Variants in ACOT12 observed in about 807,000 individuals in gnomAD.
The protein encoded by ACOT12 is acetyl-coenzyme A thioesterase.
ACOT12 carries 51 observed loss-of-function variants against 67.7 expected under a neutral mutation model. That is an observed-to-expected ratio of 0.75 (90% CI 0.60 to 0.95). ACOT12 has a LOEUF of 0.95. ACOT12 is among the 40% of genes least tolerant of loss of function. The probability of loss-of-function intolerance (pLI) is 0.00; values close to 1 mark genes in which losing one functional copy is unlikely to be tolerated. For missense variants in ACOT12, 734 were observed against 708.1 expected, an observed-to-expected ratio of 1.04 and a Z score of -0.41; for synonymous variants, 251 against 244.6, an observed-to-expected ratio of 1.03 and a Z score of -0.24.
At chr5:81,385,928 A>T in intron 1 of ACOT12, 102 bp from the exon 2 acceptor site, 1 of 1,068,566 alleles carries the variant, frequency 9.4e-7, no homozygotes. Flanking sequence ...TTAGTCACCC[A>T]TCCCTCATTC....
chr5:81,361,337 G>A (rs1759903191), intron 4 of ACOT12, among the ~76,000 whole-genome samples: 1 of 151,630 alleles, frequency 6.6e-6, no homozygotes, highest in African/African-American at 2.4e-5. Context: ...TAGGATTGCA[G>A]GCAAACGTCA....
At chr5:81,385,990 C>T (rs982626059) in intron 1 of ACOT12, among the ~76,000 whole-genome samples, 164 bp from the exon 2 acceptor site, 9 of 152,324 alleles carry the variant, frequency 5.9e-5, no homozygotes, top group African/African-American at 1.7e-4. Flanking sequence ...TCATTACAAG[C>T]TTCTTTGCTC....
intron 12 of ACOT12, among the ~76,000 whole-genome samples, chr5:81,335,436 C>T (rs576544714): frequency 2.7e-4 from 41 of 152,272 alleles, no homozygotes; most frequent in African/African-American, 9.6e-4. Context: ...GTGATCTTGG[C>T]TCACTGTAGC....
At chr5:81,339,980 T>A (rs191874562) in intron 11 of ACOT12, among the ~76,000 whole-genome samples, 24 of 152,166 alleles carry the variant, frequency 1.6e-4, no homozygotes, top group Non-Finnish European at 3.2e-4. Flanking sequence ...CTACCTCAGA[T>A]TCCCGAGTAG....
At chr5:81,311,136 T>C in the ACOT12 span, 2 of 1,459,734 alleles carry the variant, frequency 1.4e-6, no homozygotes, top group Non-Finnish European at 1.9e-6. Context: ...TCCAGTAAGA[T>C]GTGAAAGTGC....
rs777311789 is a variant in ACOT12 at position 81,345,948 on chromosome 5, C to T, written c.710G>A (p.Gly237Glu). The T allele has an allele frequency of 3.7e-6, 6 of 1,613,804 alleles. No individual in the cohort carries two copies. The African/African-American group carries it at 6.7e-5, about 18-fold the overall frequency. The change falls in exon 7 of 15, where the codon GGA becomes GAA. Residue 237 changes from glycine to glutamate, a missense_variant. By Grantham distance (98) the Gly-to-Glu change is moderately conservative. Coordinates refer to ENST00000307624, the MANE Select transcript of ACOT12 (RefSeq NM_130767.3). ...LKSVDMFKFR[G>E]PSTVGDRLVF... ...AAGACGATCTCCAACTGTAGATGGT[C>T]CCCGGAACTTAAACATATCTACGGA...
chr5:81,336,027 T>C (rs1453788979), intron 11 of ACOT12, 126 bp from the exon 12 acceptor site: 15 of 1,028,596 alleles, frequency 1.5e-5, no homozygotes, highest in South Asian at 9.9e-5. Context: ...CTGGATGAAA[T>C]TGAAGCCCCA....
At chr5:81,330,575 T>A in intron 14 of ACOT12, 32 bp from the exon 15 acceptor site, 3 of 1,608,404 alleles carry the variant, frequency 1.9e-6, no homozygotes, top group Non-Finnish European at 2.5e-6. Flanking sequence ...ATATTTTAAT[T>A]TCTTATTGAC....
At chr5:81,317,887 A>ATTT in the ACOT12 span, among the ~76,000 whole-genome samples, 302 of 134,786 alleles carry the variant, frequency 2.2e-3, 1 homozygote, top group African/African-American at 8.0e-3. Flanking sequence ...TAGGTTCACA[A>ATTT]TTTTTTTTTT....
At chr5:81,337,613 G>A (rs537035191) in intron 11 of ACOT12, among the ~76,000 whole-genome samples, 1 of 151,744 alleles carries the variant, frequency 6.6e-6, no homozygotes, top group Non-Finnish European at 1.5e-5. Context: ...ATCTGGTGAT[G>A]TTTCTATAAG....
At chr5:81,391,971 C>T (rs963385019) in intron 1 of ACOT12, among the ~76,000 whole-genome samples, 16 of 152,010 alleles carry the variant, frequency 1.1e-4, no homozygotes, top group African/African-American at 3.9e-4. Flanking sequence ...AATAAAAAAC[C>T]GTGTGTGTGA....
intron 1 of ACOT12, among the ~76,000 whole-genome samples, chr5:81,387,675 A>G (rs569665340): frequency 6.6e-6 from 1 of 152,148 alleles, no homozygotes; most frequent in South Asian, 2.1e-4. Context: ...GACTATAGGC[A>G]TGTGCCACCA....
At position 81,345,966 on chromosome 5, in the gene ACOT12, T is replaced by C. The variant is rs1331125689; in HGVS notation, c.692A>G (p.Asp231Gly). The C allele has an allele frequency of 4.3e-6, 7 of 1,613,922 alleles. No individual in the cohort carries two copies. The highest frequency in any genetic ancestry group is 5.9e-6 in the Non-Finnish European group (7 of 1,179,970). The change falls in exon 7 of 15, where the codon GAT becomes GGT. Residue 231 changes from aspartate (D) to glycine (G), a missense_variant. Asp to Gly is a moderately conservative substitution (Grantham distance 94). Coordinates refer to ENST00000307624, the MANE Select transcript of ACOT12 (RefSeq NM_130767.3). Reference protein sequence around the residue: ...CWAHPFLKSVDMFKFRGPSTV... With the variant: ...CWAHPFLKSVGMFKFRGPSTV... Reference sequence around the variant, plus strand: ...AGATGGTCCCCGGAACTTAAACATATCTACGGACTTCAGAAAGGGATGAGC... The same window carrying C: ...AGATGGTCCCCGGAACTTAAACATACCTACGGACTTCAGAAAGGGATGAGC...
Position 81,363,872 on chromosome 5 carries a change from C to G in ACOT12, c.276G>C (p.Met92Ile). 6.2e-7 allele frequency: 1 copy of G among 1,607,184 alleles called. No homozygotes were observed. The highest frequency in any genetic ancestry group is 8.5e-7 in the Non-Finnish European group (1 of 1,176,984). Residue 92 changes from methionine (M) to isoleucine (I), a missense_variant, in exon 4 of 15, where the codon ATG (methionine) becomes ATC (isoleucine). Met to Ile is a conservative substitution (Grantham distance 10, BLOSUM62 1). Coordinates refer to ENST00000307624, the MANE Select transcript of ACOT12 (RefSeq NM_130767.3). ...STSMEISIKV[M>I]VQDMLTGIEK... Reference sequence around the variant, plus strand: ...CAATGCCAGTGAGCATATCCTGTACCATGACCTTGATACTGATCTAAAATG... The same window carrying G: ...CAATGCCAGTGAGCATATCCTGTACGATGACCTTGATACTGATCTAAAATG...
chr5:81,317,843 T>C, the ACOT12 span, among the ~76,000 whole-genome samples: 1 of 152,094 alleles, frequency 6.6e-6, no homozygotes, highest in Non-Finnish European at 1.5e-5. Flanking sequence ...AGGTCTGGTT[T>C]TCTTCTGAGT....
chr5:81,369,293 G>T (rs1760175055), intron 3 of ACOT12, among the ~76,000 whole-genome samples: 1 of 152,194 alleles, frequency 6.6e-6, no homozygotes, highest in African/African-American at 2.4e-5. Context: ...AGAATCCCCT[G>T]GAAGTAGGTT....
chr5:81,365,930 A>T (rs1056583449), intron 3 of ACOT12, among the ~76,000 whole-genome samples: 3 of 152,210 alleles, frequency 2.0e-5, no homozygotes, highest in Non-Finnish European at 4.4e-5. Flanking sequence ...CTTTGGGTTG[A>T]TACTAACTGG....
intron 13 of ACOT12, 135 bp downstream of exon 13, chr5:81,332,342 C>T (rs1758854950): frequency 2.0e-6 from 2 of 996,098 alleles, no homozygotes; most frequent in Middle Eastern, 3.4e-4. Context: ...GCTAAAGATT[C>T]ATCTAGGTAT....
Position 81,353,266 on chromosome 5 carries a change from C to T in ACOT12, c.497-5336G>A, listed in dbSNP as rs568690374. 2.0e-5 allele frequency among the ~76,000 whole-genome samples: 3 copies of T among 152,258 alleles called. No individual in the cohort carries two copies. The East Asian group carries it at 5.8e-4, about 29-fold the overall frequency. On this transcript the variant is annotated intron_variant, in intron 5 of 14. Coordinates refer to ENST00000307624, the MANE Select transcript of ACOT12 (RefSeq NM_130767.3). ...TAGATGACTTTGGTGCAGAAGTTTG[C>T]TTATTTGGAGTTAATTTACAACCAA...
Sources: gnomAD v4.1 joint callset for allele counts (sites outside exome capture counted in the v4.1 genomes callset) on GRCh38, gnomAD v4.1.1 for gene constraint, MANE v1.5 for transcripts, NCBI Gene and HGNC (gene_info 2026-07-23, HGNC 2026-07-21) for gene names.